The following PEAK1 variants were observed in gnomAD, a reference collection of about 807,000 sequenced individuals.
The protein encoded by PEAK1 is pseudopodium enriched atypical kinase 1.
PEAK1 carries 54 observed loss-of-function variants against 124.7 expected under a neutral mutation model. The observed-to-expected ratio is 0.43, with a 90% confidence interval of 0.35 to 0.54. The LOEUF is 0.54. PEAK1 is among the 20% of genes least tolerant of loss of function. The pLI, the probability that PEAK1 is intolerant of heterozygous loss-of-function variation, is 0.01. For missense variants in PEAK1, 2,046 were observed against 2,134.5 expected (o/e 0.96, Z 0.82); for synonymous variants, 719 against 760.0 (o/e 0.95, Z 0.89).
chr15:77,227,422 T>TTTC (rs1259767366), intron 6 of PEAK1, among the ~76,000 whole-genome samples: 3 of 151,948 alleles, frequency 2.0e-5, no homozygotes, highest in East Asian at 3.9e-4. Flanking sequence ...ATGAACAACA[T>TTTC]ACAGACAGGA....
At chr15:77,420,309 G>GC (rs1251922257), upstream of PEAK1, 3 of 151,586 alleles carry the variant, frequency 2.0e-5, no homozygotes, top group African/African-American at 7.3e-5. Flanking sequence ...GTCTCCCTCA[G>GC]CCCCAGCGGG....
At chr15:77,191,853 T>C (rs2057848745) in intron 6 of PEAK1, among the ~76,000 whole-genome samples, 1 of 152,110 alleles carries the variant, frequency 6.6e-6, no homozygotes, top group Non-Finnish European at 1.5e-5. Flanking sequence ...AAGCAGGGGC[T>C]GATGTGAGAG....
intron 2 of PEAK1, among the ~76,000 whole-genome samples, chr15:77,311,321 C>T (rs975708279): frequency 6.6e-6 from 1 of 152,078 alleles, no homozygotes; most frequent in African/African-American, 2.4e-5. Flanking sequence ...GTCTAAAAGG[C>T]ATTGGGAGTA....
intron 1 of PEAK1, chr15:77,370,716 A>G (rs2068576934): frequency 1.0e-6 from 1 of 985,230 alleles, no homozygotes; most frequent in African/African-American, 1.7e-5. Flanking sequence ...ATGTCTTCAG[A>G]TAACTTTTGT....
At position 77,403,083 on chromosome 15, in the gene PEAK1, T is replaced by C. The variant is rs530305576; in HGVS notation, c.-666+16923A>G. The C allele has an allele frequency of 1.8e-5, 18 of 985,238 alleles. No individual in the cohort carries two copies. In the East Asian group the frequency reaches 1.0e-3, roughly 56 times the overall value. 61.0% of individuals were successfully genotyped at this position (985,238 alleles called of 1,614,324 possible). On this transcript the variant is annotated intron_variant, in intron 1 of 9. Transcript: ENST00000682557. ...AAAGATGGAGTTTCTCTCATCATTA[T>C]AGAAATAAGAAACCCTTTCTAAATT... is the stretch of plus-strand genomic sequence containing the variant.
At chr15:77,344,152 T>G (rs2066724044) in intron 2 of PEAK1, among the ~76,000 whole-genome samples, 1 of 152,196 alleles carries the variant, frequency 6.6e-6, no homozygotes, top group African/African-American at 2.4e-5. Flanking sequence ...TAAAGTGCAG[T>G]GGCGCCATCT....
Position 77,179,776 on chromosome 15 carries a change from C to CTGACCTCTGT in PEAK1, c.2141_2150dup (p.Ser718GlnfsTer11). On this transcript the variant is annotated frameshift_variant, in exon 7 of 10. Coordinates refer to ENST00000682557, the MANE Select transcript of PEAK1 (RefSeq NM_001385026.1). LOFTEE classifies it high-confidence loss of function. Reference sequence around the variant, plus strand: ...AACTATAGCTTCTCTGTGGTGAAGACTGACCTCTGTTGAGACAGTTGTTAA... The same window carrying CTGACCTCTGT: ...AACTATAGCTTCTCTGTGGTGAAGACTGACCTCTGTTGACCTCTGTTGAGACAGTTGTTAA... The CTGACCTCTGT allele has an allele frequency of 6.2e-7, 1 of 1,614,132 alleles. No homozygotes were observed. The highest frequency in any genetic ancestry group is 8.5e-7 in the Non-Finnish European group (1 of 1,180,018).
At chr15:77,162,640 G>T (rs915573189) in intron 7 of PEAK1, among the ~76,000 whole-genome samples, 3 of 151,870 alleles carry the variant, frequency 2.0e-5, no homozygotes, top group African/African-American at 7.3e-5. Context: ...CATTTCATTA[G>T]GAGATGTTTA....
chr15:77,106,654 A>G (rs142666276), downstream of PEAK1: 2,696 of 152,352 alleles, frequency 0.018, 35 homozygotes, highest in Non-Finnish European at 0.025. Flanking sequence ...GTGAGCCACC[A>G]CATCCGGCCA....
intron 8 of PEAK1, among the ~76,000 whole-genome samples, chr15:77,137,543 C>T (rs1479843672): frequency 1.3e-5 from 2 of 152,214 alleles, no homozygotes; most frequent in South Asian, 2.1e-4. Flanking sequence ...GATTTGACTG[C>T]CCCGCTGGAT....
intron 8 of PEAK1, chr15:77,157,037 T>G (rs1356445544): frequency 1.3e-5 from 2 of 152,210 alleles, no homozygotes; most frequent in Non-Finnish European, 2.9e-5. Flanking sequence ...TTACACAATG[T>G]ATTTTCAACT....
intron 7 of PEAK1, among the ~76,000 whole-genome samples, chr15:77,169,013 G>C (rs2056322126): frequency 6.6e-6 from 1 of 152,200 alleles, no homozygotes. Context: ...CTTAACTTTA[G>C]CTGGAGTGTT....
At chr15:77,389,966 A>G (rs1316806501) in intron 1 of PEAK1, among the ~76,000 whole-genome samples, 2 of 152,240 alleles carry the variant, frequency 1.3e-5, no homozygotes, top group Non-Finnish European at 2.9e-5. Flanking sequence ...TGAATACATT[A>G]ACTTTACAAC....
intron 8 of PEAK1, among the ~76,000 whole-genome samples, chr15:77,141,436 T>C (rs1398877253): frequency 6.6e-6 from 1 of 152,188 alleles, no homozygotes; most frequent in African/African-American, 2.4e-5. Flanking sequence ...AGAGACTTTA[T>C]ATTGTTAAAA....
At chr15:77,362,782 A>C (rs1302577411) in intron 2 of PEAK1, among the ~76,000 whole-genome samples, 1 of 152,218 alleles carries the variant, frequency 6.6e-6, no homozygotes, top group Non-Finnish European at 1.5e-5. Context: ...ACAACTGATA[A>C]ATGGATAAAT....
intron 1 of PEAK1, among the ~76,000 whole-genome samples, chr15:77,374,506 A>G (rs573048356): frequency 5.3e-5 from 8 of 152,290 alleles, no homozygotes; most frequent in African/African-American, 1.4e-4. Flanking sequence ...GTGGTGACAG[A>G]GTCTTTAAAA....
chr15:77,137,021 T>C (rs964691662), intron 8 of PEAK1, among the ~76,000 whole-genome samples: 5 of 152,238 alleles, frequency 3.3e-5, no homozygotes, highest in African/African-American at 4.8e-5. Context: ...GGGGCCACTG[T>C]AGAGCTCAGG....
chr15:77,352,168 C>T (rs1249842971), intron 2 of PEAK1: 2 of 970,832 alleles, frequency 2.1e-6, no homozygotes, highest in Non-Finnish European at 2.4e-6. Context: ...ATCACCACTG[C>T]ACTGCAGCCT....
chr15:77,257,081 A>G (rs1363165208), intron 5 of PEAK1, among the ~76,000 whole-genome samples: 1 of 152,172 alleles, frequency 6.6e-6, no homozygotes, highest in Non-Finnish European at 1.5e-5. Flanking sequence ...GCTGCATAGT[A>G]TTCCATGGTG....
Sources: gnomAD v4.1 joint callset for allele counts (sites outside exome capture counted in the v4.1 genomes callset) on GRCh38, gnomAD v4.1.1 for gene constraint, MANE v1.5 for transcripts, NCBI Gene and HGNC (gene_info 2026-07-23, HGNC 2026-07-21) for gene names.